The following METTL22 variants were observed in gnomAD, a reference collection of about 807,000 sequenced individuals.
METTL22 encodes methyltransferase 22, Kin17 lysine.
A neutral mutation model predicts 48.4 loss-of-function variants in METTL22; 51 were observed. That is an observed-to-expected ratio of 1.05 (90% CI 0.84 to 1.33). The LOEUF (loss-of-function observed/expected upper bound fraction) is 1.33, where lower values mean the gene tolerates loss of function less well. METTL22 is among the 40% of genes most tolerant of loss of function. METTL22 has a pLI of 0.00. For synonymous variants in METTL22, 255 were observed against 214.1 expected, an observed-to-expected ratio of 1.19 and a Z score of -1.67; for missense variants, 678 against 526.9, an observed-to-expected ratio of 1.29 and a Z score of -2.81.
At position 8,641,899 on chromosome 16, in the gene METTL22, C is replaced by T. The variant is rs560127235; in HGVS notation, c.827-228C>T. On this transcript the variant is annotated intron_variant, in intron 7 of 10. Transcript: ENST00000381920. ...GAGGCTGAAATCCGCCCGCTGCTCA[C>T]TGGCTAGAGCAGACACTCAGCAGAA... 1.4e-4 allele frequency: 86 copies of T among 594,276 alleles called. No individual in the cohort carries two copies. In the South Asian group the frequency reaches 1.7e-3, roughly 11 times the overall value. The allele number at this position is 594,276 out of a possible 1,614,324, so 36.8% of individuals were successfully genotyped here. A position where few individuals can be genotyped will look rare whatever the true frequency, so the allele number is the denominator to read the frequency against.
chr16:8,624,363 CT>C (rs71152910), intron 1 of METTL22, among the ~76,000 whole-genome samples: 125,119 of 139,678 alleles, frequency 0.9, 55,981 homozygotes, highest in African/African-American at 0.95. Flanking sequence ...TCCACTCACT[CT>C]TTTTTTTTTT....
chr16:8,662,112 C>T, the METTL22 span, among the ~76,000 whole-genome samples: 10 of 145,216 alleles, frequency 6.9e-5, 2 homozygotes, highest in East Asian at 9.9e-4. Flanking sequence ...TGCAGTGGCA[C>T]GTGTCCGTAG....
chr16:8,630,019 C>T (rs1374686957), intron 3 of METTL22, among the ~76,000 whole-genome samples: 1 of 12,896 alleles, frequency 7.8e-5, no homozygotes, highest in Non-Finnish European at 1.9e-4. Flanking sequence ...CTCCCCCTGG[C>T]GCTGCTCATT....
the METTL22 span, among the ~76,000 whole-genome samples, chr16:8,657,919 C>T: frequency 6.6e-6 from 1 of 151,790 alleles, no homozygotes; most frequent in African/African-American, 2.4e-5. Flanking sequence ...TGGACTCAAG[C>T]TATCCTCCCA....
chr16:8,645,058 T>C, intron 10 of METTL22: 1 of 195,238 alleles, frequency 5.1e-6, no homozygotes, highest in Non-Finnish European at 1.0e-5. Flanking sequence ...GGAGGGAAGT[T>C]TGTGGGTTGC....
the METTL22 span, among the ~76,000 whole-genome samples, chr16:8,664,876 C>T: frequency 6.6e-6 from 1 of 152,102 alleles, no homozygotes; most frequent in Non-Finnish European, 1.5e-5. Flanking sequence ...CGCACCTGAG[C>T]CAGGTGCTCA....
chr16:8,626,284 C>A (rs866623714), intron 2 of METTL22, among the ~76,000 whole-genome samples: 3 of 152,150 alleles, frequency 2.0e-5, no homozygotes, highest in Middle Eastern at 3.2e-3. Flanking sequence ...GCTGTCCCCC[C>A]ACTTTCATTA....
intron 9 of METTL22, 149 bp from the exon 10 acceptor site, chr16:8,644,408 C>T: frequency 2.8e-6 from 2 of 722,280 alleles, no homozygotes; most frequent in Non-Finnish European, 4.5e-6. Flanking sequence ...AGGAATTGCA[C>T]TCACACACTC....
At chr16:8,659,480 G>T in the METTL22 span, among the ~76,000 whole-genome samples, 1 of 152,150 alleles carries the variant, frequency 6.6e-6, no homozygotes, top group Admixed American at 6.5e-5. Context: ...CCACATGCTG[G>T]ATATTTATGA....
chr16:8,661,406 G>A, the METTL22 span, among the ~76,000 whole-genome samples: 8 of 150,816 alleles, frequency 5.3e-5, no homozygotes, highest in African/African-American at 1.7e-4. Flanking sequence ...CAGCACTTTG[G>A]GAGGCCAAGG....
At chr16:8,650,486 A>G (rs1265190083), downstream of METTL22, among the ~76,000 whole-genome samples, 2 of 152,250 alleles carry the variant, frequency 1.3e-5, no homozygotes, top group African/African-American at 2.4e-5. Context: ...AGGTTGGTGA[A>G]TGGGTACAAA....
chr16:8,650,924 T>C (rs2056885075), downstream of METTL22, among the ~76,000 whole-genome samples: 2 of 152,260 alleles, frequency 1.3e-5, no homozygotes, highest in South Asian at 4.1e-4. Context: ...CTCTGGAGGC[T>C]GAGGCAGGAG....
chr16:8,665,326 G>C, the METTL22 span, among the ~76,000 whole-genome samples: 13 of 152,022 alleles, frequency 8.6e-5, no homozygotes, highest in South Asian at 2.1e-4. Context: ...AAATAGCTGA[G>C]GCTGAGAGAG....
chr16:8,662,183 A>C, the METTL22 span, among the ~76,000 whole-genome samples: 1 of 145,698 alleles, frequency 6.9e-6, no homozygotes, highest in African/African-American at 2.6e-5. Flanking sequence ...TTGAGGTTAC[A>C]GTGAACTGTG....
chr16:8,629,239 GT>G, intron 3 of METTL22, 129 bp downstream of exon 3: 1 of 1,232,744 alleles, frequency 8.1e-7, no homozygotes, highest in Middle Eastern at 2.9e-4. Context: ...ACCAGCTCGG[GT>G]GAGACTGGGG....
At chr16:8,651,312 G>A (rs928313976), downstream of METTL22, among the ~76,000 whole-genome samples, 8 of 139,134 alleles carry the variant, frequency 5.7e-5, no homozygotes, top group African/African-American at 1.6e-4. Flanking sequence ...GCGTGAACCC[G>A]GGAGGCGGAG....
Position 8,644,608 on chromosome 16 carries a change from C to A in METTL22, c.1062C>A (p.His354Gln). The change falls in exon 10 of 11, where the codon CAC becomes CAA. Residue 354 changes from histidine (H) to glutamine (Q), a missense_variant. Physicochemically the swap from His to Gln is conservative, Grantham distance 24 (BLOSUM62 0). Coordinates refer to ENST00000381920, the MANE Select transcript of METTL22 (RefSeq NM_024109.4). ...ACGTCACATGTGAAGCCTACGATCACTTCCGCTCCTGCCTGCACGCGCTGG... is the reference window on the plus strand; with the variant it reads ...ACGTCACATGTGAAGCCTACGATCAATTCCGCTCCTGCCTGCACGCGCTGG... ...HLDVTCEAYD[H>Q]FRSCLHALEQ... The A allele has an allele frequency of 6.2e-7, 1 of 1,604,962 alleles. No homozygotes were observed. The highest frequency in any genetic ancestry group is 1.1e-5 in the South Asian group (1 of 89,376).
At chr16:8,642,622 C>T in intron 9 of METTL22, 57 bp downstream of exon 9, 1 of 1,488,976 alleles carries the variant, frequency 6.7e-7, no homozygotes, top group Non-Finnish European at 9.4e-7. Context: ...GGAACTCTCA[C>T]CTCCTAATTG....
intron 9 of METTL22, among the ~76,000 whole-genome samples, chr16:8,643,448 G>C (rs1455937335): frequency 1.3e-5 from 2 of 152,178 alleles, no homozygotes; most frequent in Non-Finnish European, 2.9e-5. Context: ...TCATCTTCTT[G>C]AGACACACAC....
Sources: allele counts gnomAD v4.1 joint callset (sites outside exome capture counted in the v4.1 genomes callset), GRCh38; gene constraint gnomAD v4.1.1; transcripts MANE v1.5; gene names NCBI Gene and HGNC (gene_info 2026-07-23, HGNC 2026-07-21).